ITIH5: variants seen among roughly 807,000 people sequenced by gnomAD.
ITIH5 encodes inter-alpha-trypsin inhibitor heavy chain 5, also known as inter-alpha-trypsin inhibitor heavy chain H5.
ITIH5 carries 65 observed loss-of-function variants against 77.5 expected under a neutral mutation model. The observed-to-expected ratio is 0.84, with a 90% CI of 0.69 to 1.03. The LOEUF (loss-of-function observed/expected upper bound fraction) is 1.03, where lower values mean the gene tolerates loss of function less well. ITIH5 is among the 50% of genes least tolerant of loss of function. The probability of loss-of-function intolerance (pLI) is 0.00; values close to 1 mark genes in which losing one functional copy is unlikely to be tolerated. For synonymous variants in ITIH5, 525 were observed against 494.3 expected (o/e 1.06, Z -0.82); for missense variants, 1,208 against 1,213.1 (o/e 1.00, Z 0.06).
chr10:7,638,967 C>T (rs1363316937), intron 4 of ITIH5, among the ~76,000 whole-genome samples: 1 of 152,040 alleles, frequency 6.6e-6, no homozygotes, highest in Non-Finnish European at 1.5e-5. Flanking sequence ...GGTTATGTGT[C>T]TCGCTAGATG....
rs1164072692 is a variant in ITIH5 at position 7,566,854 on chromosome 10, GA to G, written c.2150-448del. ...AGAGGAAGAGGAAGAGGAAGAAGAAGAAGAAGAAGAAGAAGAAGAAGAAGAA... is the reference window on the plus strand; with the variant it reads ...AGAGGAAGAGGAAGAGGAAGAAGAAGAGAAGAAGAAGAAGAAGAAGAAGAA... On this transcript the variant is annotated intron_variant, in intron 12 of 13. Coordinates refer to ENST00000397146, the MANE Select transcript of ITIH5 (RefSeq NM_030569.7). 2.2e-4 allele frequency among the ~76,000 whole-genome samples: 7 copies of G among 31,502 alleles called. 2 individuals are homozygous for G. Among genetic ancestry groups the G allele is most frequent in the Admixed American group, 2.0e-3 (5 of 2,474 alleles). 20.7% of individuals were successfully genotyped at this position (31,502 alleles called of 152,430 possible).
intron 5 of ITIH5, chr10:7,621,261 T>A (rs1255987276): frequency 6.6e-6 from 1 of 152,236 alleles, no homozygotes; most frequent in African/African-American, 2.4e-5. Context: ...ACCTACTTAG[T>A]CTTGCTTCCA....
chr10:7,581,057 C>T (rs563428007), intron 8 of ITIH5, among the ~76,000 whole-genome samples: 33 of 152,104 alleles, frequency 2.2e-4, no homozygotes, highest in African/African-American at 3.1e-4. Flanking sequence ...GTCAGGAGTT[C>T]GAGACCAGCC....
chr10:7,645,786 T>G lies in ITIH5; in HGVS notation c.136-3696A>C, dbSNP rs112283621. 1.3e-3 allele frequency among the ~76,000 whole-genome samples: 199 copies of G among 152,324 alleles called. 2 individuals carry two copies. Among genetic ancestry groups the G allele is most frequent in the African/African-American group, 4.5e-3 (189 of 41,566 alleles). ...TAGGATTAAAAAAGAGACTCCAACA[T>G]GTAGCTTCACCAAATGTTTCTGTTA... On this transcript the variant is annotated intron_variant, in intron 2 of 13. Coordinates refer to ENST00000397146, the MANE Select transcript of ITIH5 (RefSeq NM_030569.7).
chr10:7,609,149 G>C (rs1833191300), intron 7 of ITIH5, among the ~76,000 whole-genome samples: 1 of 152,166 alleles, frequency 6.6e-6, no homozygotes, highest in Non-Finnish European at 1.5e-5. Flanking sequence ...ACCTTCCCAT[G>C]CATAAAATAG....
At chr10:7,605,301 G>A (rs1053501665) in intron 7 of ITIH5, among the ~76,000 whole-genome samples, 5 of 151,172 alleles carry the variant, frequency 3.3e-5, no homozygotes, top group African/African-American at 1.2e-4. Context: ...ACTTCTAAGA[G>A]GCCTTTGAGA....
intron 1 of ITIH5, among the ~76,000 whole-genome samples, chr10:7,661,788 C>T (rs893018294): frequency 1.3e-5 from 2 of 152,160 alleles, no homozygotes; most frequent in African/African-American, 4.8e-5. Context: ...GCAGCCTTGA[C>T]TACCTGGGCT....
rs758556548 is a variant in ITIH5, at chr10:7,666,898, G to A, written c.-6C>T. On this transcript the variant is annotated 5_prime_UTR_variant, in exon 1 of 14. Coordinates refer to ENST00000397146, the MANE Select transcript of ITIH5 (RefSeq NM_030569.7). ...AGCCCCAGCAGCAGGAGCATGGCGGGGCGAGGGCGCGGGACGCTCGGGGAC... is the reference window on the plus strand; with the variant it reads ...AGCCCCAGCAGCAGGAGCATGGCGGAGCGAGGGCGCGGGACGCTCGGGGAC... 1.3e-6 allele frequency: 2 copies of A among 1,587,036 alleles called. No homozygotes were observed. The highest frequency in any genetic ancestry group is 1.7e-6 in the Non-Finnish European group (2 of 1,169,596).
intron 12 of ITIH5, among the ~76,000 whole-genome samples, chr10:7,568,150 G>A (rs1158974331): frequency 6.6e-6 from 1 of 152,168 alleles, no homozygotes; most frequent in Admixed American, 6.5e-5. Flanking sequence ...GGCTGAATTA[G>A]GTGATGCATG....
chr10:7,570,022 A>G, intron 11 of ITIH5: 1 of 415,432 alleles, frequency 2.4e-6, no homozygotes, highest in African/African-American at 2.0e-5. Context: ...TTCCAATATA[A>G]TGCTCCTTTC....
chr10:7,662,142 G>A (rs1188040535), intron 1 of ITIH5, among the ~76,000 whole-genome samples: 2 of 152,160 alleles, frequency 1.3e-5, no homozygotes, highest in African/African-American at 2.4e-5. Flanking sequence ...CCGATCATCT[G>A]AGATCAGGAG....
intron 5 of ITIH5, among the ~76,000 whole-genome samples, chr10:7,626,537 T>C (rs1371413345): frequency 2.6e-5 from 4 of 152,216 alleles, no homozygotes; most frequent in Non-Finnish European, 5.9e-5. Flanking sequence ...AACAGGGTCC[T>C]GCCCTTCCAG....
intron 11 of ITIH5, chr10:7,571,913 A>G (rs1832307462): frequency 1.0e-6 from 1 of 956,352 alleles, no homozygotes; most frequent in Non-Finnish European, 1.2e-6. Context: ...TGCGGGACCC[A>G]TGGAGATAGA....
intron 2 of ITIH5, among the ~76,000 whole-genome samples, chr10:7,654,438 A>G (rs1328912835): frequency 6.6e-6 from 1 of 152,246 alleles, no homozygotes; most frequent in Non-Finnish European, 1.5e-5. Flanking sequence ...ACAGCCTCAG[A>G]AGACAGGTTC....
At chr10:7,578,118 C>T (rs548150594) in intron 9 of ITIH5, among the ~76,000 whole-genome samples, 4 of 152,318 alleles carry the variant, frequency 2.6e-5, no homozygotes, top group Admixed American at 2.6e-4. Flanking sequence ...GCATTAAGGA[C>T]AACACCTGAG....
Position 7,563,165 on chromosome 10 carries a change from T to C in ITIH5, c.2747A>G (p.Asp916Gly), listed in dbSNP as rs1479931946. The stretch of plus-strand genomic sequence containing the variant: ...TGCCAGGTAATCCTTGTACTCCCCG[T>C]CAATCAGTTTGGCGGCATTGTTCCT... ...FARNNAAKLI[D>G]GEYKDYLASH... The change falls in exon 14 of 14, where the codon GAC becomes GGC. Residue 916 changes from aspartate (D) to glycine (G), a missense_variant. Transcript: ENST00000397146. 6.2e-7 allele frequency: 1 copy of C among 1,613,966 alleles called. No homozygotes were observed. Among genetic ancestry groups the C allele is most frequent in the East Asian group, 2.2e-5 (1 of 44,886 alleles).
At chr10:7,611,879 T>A (rs1833251514) in intron 7 of ITIH5, among the ~76,000 whole-genome samples, 1 of 151,526 alleles carries the variant, frequency 6.6e-6, no homozygotes, top group African/African-American at 2.4e-5. Flanking sequence ...GAAAGTTTCT[T>A]CCCACTTGAA....
At chr10:7,580,667 G>C (rs1832532027) in intron 8 of ITIH5, among the ~76,000 whole-genome samples, 1 of 152,208 alleles carries the variant, frequency 6.6e-6, no homozygotes, top group South Asian at 2.1e-4. Flanking sequence ...GGAAGGTGTT[G>C]AGCATAGAAG....
At chr10:7,606,300 T>G (rs7101089) in intron 7 of ITIH5, among the ~76,000 whole-genome samples, 2 of 152,126 alleles carry the variant, frequency 1.3e-5, no homozygotes, top group Non-Finnish European at 2.9e-5. Context: ...GACACACATA[T>G]GCATATGTTT....
Sources: allele counts gnomAD v4.1 joint callset (sites outside exome capture counted in the v4.1 genomes callset), GRCh38; gene constraint gnomAD v4.1.1; transcripts MANE v1.5; gene names NCBI Gene and HGNC (gene_info 2026-07-23, HGNC 2026-07-21).